RALB: variants seen among roughly 807,000 people sequenced by gnomAD.
RALB encodes the protein ras-related protein Ral-B.
Under a neutral mutation model 21.3 loss-of-function variants are expected in RALB, and 16 were observed. That is an observed-to-expected ratio of 0.75 (90% confidence interval 0.51 to 1.14). The LOEUF is 1.14. Ranked by LOEUF, RALB falls within the 50% of genes most tolerant of loss-of-function variation. The probability of loss-of-function intolerance (pLI) is 0.00; values close to 1 mark genes in which losing one functional copy is unlikely to be tolerated. For synonymous variants in RALB, 93 were observed against 96.1 expected (o/e 0.97, Z 0.19); for missense variants, 161 against 256.2 (o/e 0.63, Z 2.54).
intron 1 of RALB, among the ~76,000 whole-genome samples, chr2:120,242,201 G>T (rs1688907164): frequency 6.6e-6 from 1 of 152,236 alleles, no homozygotes; most frequent in African/African-American, 2.4e-5. Flanking sequence ...GGTACCTGGA[G>T]TCGTCAAATT....
chr2:120,286,176 TA>T, intron 3 of RALB, 94 bp downstream of exon 3: 2 of 999,294 alleles, frequency 2.0e-6, no homozygotes, highest in Non-Finnish European at 3.1e-6. Context: ...CTGAGCATAC[TA>T]GGAGAGGGCT....
At chr2:120,274,232 C>G (rs568789761) in intron 1 of RALB, among the ~76,000 whole-genome samples, 1 of 152,246 alleles carries the variant, frequency 6.6e-6, no homozygotes, top group South Asian at 2.1e-4. Flanking sequence ...GTAGTTTCAC[C>G]TTCCTAAACT....
At chr2:120,275,946 G>A (rs1309389505) in intron 1 of RALB, among the ~76,000 whole-genome samples, 1 of 152,210 alleles carries the variant, frequency 6.6e-6, no homozygotes, top group Non-Finnish European at 1.5e-5. Context: ...TTTTACAGAT[G>A]TGCTAGTGGG....
intron 1 of RALB, among the ~76,000 whole-genome samples, chr2:120,277,737 G>A (rs1312776038): frequency 6.6e-6 from 1 of 151,930 alleles, no homozygotes; most frequent in East Asian, 1.9e-4. Context: ...TAGTGTGTGA[G>A]CTTGTGTGTG....
intron 1 of RALB, among the ~76,000 whole-genome samples, chr2:120,276,907 AT>A (rs1490232952): frequency 6.6e-6 from 1 of 152,208 alleles, no homozygotes; most frequent in Non-Finnish European, 1.5e-5. Flanking sequence ...AACCACACTC[AT>A]GCCTGCCAGA....
At chr2:120,284,527 T>C (rs1645880685) in intron 2 of RALB, among the ~76,000 whole-genome samples, 1 of 152,166 alleles carries the variant, frequency 6.6e-6, no homozygotes, top group African/African-American at 2.4e-5. Context: ...GCCTCCTGAG[T>C]AGCTGGGATT....
chr2:120,253,370 T>C, intron 1 of RALB: 1 of 985,034 alleles, frequency 1.0e-6, no homozygotes. Context: ...TGGGAAGTGT[T>C]GCAAAAACTT....
chr2:120,290,607 C>G (rs557836530), intron 4 of RALB, among the ~76,000 whole-genome samples: 1 of 150,194 alleles, frequency 6.7e-6, no homozygotes, highest in Non-Finnish European at 1.5e-5. Context: ...AGTATTTGCT[C>G]TCAGAACTCA....
Position 120,293,960 on chromosome 2 carries a change from T to C in RALB, c.*700T>C. On this transcript the variant is annotated 3_prime_UTR_variant, in exon 5 of 5. Coordinates refer to ENST00000272519, the MANE Select transcript of RALB (RefSeq NM_002881.3). Reference sequence around the variant, plus strand: ...TCCTGTAAGCATCCTGATTTTTCTGTAGGAACTTTTCTTTGGCAGACCAAG... The same window carrying C: ...TCCTGTAAGCATCCTGATTTTTCTGCAGGAACTTTTCTTTGGCAGACCAAG... The C allele has an allele frequency of 2.5e-6, 1 of 395,648 alleles. No homozygotes were observed. The highest frequency in any genetic ancestry group is 3.6e-5 in the East Asian group (1 of 27,934). The allele number at this position is 395,648 out of a possible 1,614,324, so 24.5% of individuals were successfully genotyped here.
At chr2:120,292,756 C>T (rs1336418757) in intron 4 of RALB, among the ~76,000 whole-genome samples, 6 of 151,536 alleles carry the variant, frequency 4.0e-5, no homozygotes, top group South Asian at 4.2e-4. Context: ...GTTCAAGACC[C>T]GCCTGGGCAA....
chr2:120,253,014 G>A, intron 1 of RALB, 34 bp downstream of exon 1: 2 of 982,312 alleles, frequency 2.0e-6, no homozygotes, highest in Non-Finnish European at 2.4e-6. Flanking sequence ...CCCGGGCGGG[G>A]TGGGGCGCGG....
intron 3 of RALB, among the ~76,000 whole-genome samples, chr2:120,288,342 G>GTTTTT (rs547733377): frequency 0.025 from 2,909 of 116,854 alleles, 451 homozygotes; most frequent in Middle Eastern, 0.049. Context: ...GAAAATTTTA[G>GTTTTT]TTTTTTTTTT....
In RALB at chr2:120,285,996, A is replaced by G. The variant is rs746415509; in HGVS notation, c.237A>G (p.Arg79=). The change falls in exon 3 of 5, where the codon CGA becomes CGG. Residue 79 remains arginine, a synonymous_variant. Coordinates refer to ENST00000272519, the MANE Select transcript of RALB (RefSeq NM_002881.3). ...TAGQEDYAAI[R]DNYFRSGEGF... The stretch of plus-strand genomic sequence containing the variant: ...GGCAAGAGGACTACGCAGCCATTCG[A>G]GATAACTACTTTCGGAGTGGGGAAG... 1.2e-5 allele frequency: 19 copies of G among 1,614,166 alleles called. No homozygotes were observed. The South Asian group carries it at 2.0e-4, about 17-fold the overall frequency.
intron 1 of RALB, among the ~76,000 whole-genome samples, chr2:120,266,638 A>G (rs901053010): frequency 6.6e-6 from 1 of 152,164 alleles, no homozygotes; most frequent in Non-Finnish European, 1.5e-5. Context: ...TCGAGTCCCA[A>G]AGGTTGAGGC....
intron 1 of RALB, among the ~76,000 whole-genome samples, chr2:120,254,255 T>C (rs1224047554): frequency 1.3e-5 from 2 of 152,218 alleles, no homozygotes; most frequent in Non-Finnish European, 2.9e-5. Flanking sequence ...GTTATCCTAA[T>C]TGTTAGGATT....
At chr2:120,274,712 C>T (rs1689748602) in intron 1 of RALB, among the ~76,000 whole-genome samples, 1 of 152,088 alleles carries the variant, frequency 6.6e-6, no homozygotes, top group African/African-American at 2.4e-5. Flanking sequence ...TTGCTATGAG[C>T]ATCGTTACTT....
In RALB at chr2:120,271,489, A is replaced by G. The variant is rs139646457; in HGVS notation, c.-47-7129A>G. Among the ~76,000 whole-genome samples the G allele has an allele frequency of 9.9e-4, 150 of 152,258 alleles. 1 individual carries two copies. The East Asian group carries it at 0.026, about 27-fold the overall frequency. On this transcript the variant is annotated intron_variant, in intron 1 of 4. Coordinates refer to ENST00000272519, the MANE Select transcript of RALB (RefSeq NM_002881.3). ...CTTACAAGCTAAGATGGGCTGGAGG[A>G]CCCGCCTAGCAATGACTCCCTGTTT...
At chr2:120,289,243 TG>T (rs771218086) in intron 3 of RALB, among the ~76,000 whole-genome samples, 16,988 of 110,324 alleles carry the variant, frequency 0.15, 1,071 homozygotes, top group African/African-American at 0.17. Flanking sequence ...TTCTTCTTTT[TG>T]TTTTTTTTTT....
chr2:120,269,291 C>T (rs560633064), intron 1 of RALB, among the ~76,000 whole-genome samples: 8 of 152,234 alleles, frequency 5.3e-5, no homozygotes, highest in South Asian at 2.1e-4. Context: ...AGAATGAAGC[C>T]GCAAACCTTC....
Sources: gnomAD v4.1 joint callset for allele counts (sites outside exome capture counted in the v4.1 genomes callset) on GRCh38, gnomAD v4.1.1 for gene constraint, MANE v1.5 for transcripts, NCBI Gene and HGNC (gene_info 2026-07-23, HGNC 2026-07-21) for gene names.